The following WDFY3 variants were observed in gnomAD, a reference collection of about 807,000 sequenced individuals.
WDFY3 encodes the protein WD repeat and FYVE domain containing 3, also known as WD repeat and FYVE domain-containing protein 3.
Under a neutral mutation model 409.6 loss-of-function variants are expected in WDFY3, and 66 were observed. The ratio of observed to expected loss-of-function variants is 0.16; its 90% CI spans 0.13 to 0.20. The LOEUF (loss-of-function observed/expected upper bound fraction) is 0.20, where lower values mean the gene tolerates loss of function less well. Among genes scored for constraint, WDFY3 ranks in the 10% least tolerant of loss-of-function variants. The pLI, the probability that WDFY3 is intolerant of heterozygous loss-of-function variation, is 1.00. For missense variants in WDFY3, 3,031 were observed against 4,298.1 expected (o/e 0.71, Z 8.24); for synonymous variants, 1,521 against 1,537.1 (o/e 0.99, Z 0.25).
At chr4:84,815,296 T>A (rs1465943804) in intron 13 of WDFY3, among the ~76,000 whole-genome samples, 1 of 152,090 alleles carries the variant, frequency 6.6e-6, no homozygotes, top group Non-Finnish European at 1.5e-5. Context: ...TCTTGAAAAA[T>A]TACCATTTTA....
intron 9 of WDFY3, 83 bp downstream of exon 9, chr4:84,828,921 T>C: frequency 7.3e-7 from 1 of 1,379,036 alleles, no homozygotes; most frequent in South Asian, 1.7e-5. Context: ...TTGCTTTTCC[T>C]ATAACCCCAA....
intron 6 of WDFY3, among the ~76,000 whole-genome samples, chr4:84,840,861 G>T (rs1387017872): frequency 6.6e-6 from 1 of 151,746 alleles, no homozygotes; most frequent in Non-Finnish European, 1.5e-5. Context: ...AATTACAGGT[G>T]TGAGCCTCTG....
rs748442263 is a variant in WDFY3, at chr4:84,739,166, T to C, written c.6465-47A>G. 4 of 1,559,436 alleles carry C rather than the reference T, an allele frequency of 2.6e-6. No individual in the cohort carries two copies. In the East Asian group the frequency reaches 6.7e-5, roughly 26 times the overall value. On this transcript the variant is annotated intron_variant, in intron 39 of 67. Coordinates refer to ENST00000295888, the MANE Select transcript of WDFY3 (RefSeq NM_014991.6). Reference sequence around the variant, plus strand: ...AAACTTTATGAAGGAAATGATTAGCTGAAGACTACAGTAACTAAGAATTAC... The same window carrying C: ...AAACTTTATGAAGGAAATGATTAGCCGAAGACTACAGTAACTAAGAATTAC...
intron 2 of WDFY3, among the ~76,000 whole-genome samples, chr4:84,928,180 G>A (rs985838030): frequency 2.0e-5 from 3 of 152,176 alleles, no homozygotes; most frequent in African/African-American, 4.8e-5. Flanking sequence ...GCCCTTCATC[G>A]TCTGTCCCTG....
At chr4:84,814,339 T>G (rs1578645976) in intron 13 of WDFY3, among the ~76,000 whole-genome samples, 3 of 152,228 alleles carry the variant, frequency 2.0e-5, no homozygotes, top group Admixed American at 2.0e-4. Flanking sequence ...TTCCTTTATG[T>G]CATCATTTCT....
intron 14 of WDFY3, 146 bp downstream of exon 14, chr4:84,809,741 T>C (rs568235390): frequency 5.6e-6 from 4 of 720,070 alleles, no homozygotes; most frequent in Admixed American, 6.9e-5. Context: ...AGAGTAATAT[T>C]CAAAAATAAA....
chr4:84,776,411 C>T (rs1745557337), intron 27 of WDFY3, among the ~76,000 whole-genome samples: 1 of 151,914 alleles, frequency 6.6e-6, no homozygotes, highest in African/African-American at 2.4e-5. Context: ...ATAAAGTGAG[C>T]AATGTACTAT....
chr4:84,921,646 A>ATTTTTTTTTT lies in WDFY3; in HGVS notation c.-132+10614_-132+10623dup, dbSNP rs747576197. On this transcript the variant is annotated intron_variant, in intron 2 of 67. Transcript: ENST00000295888. ...ATGGAACCAAGTCTCTATTGCTTTCATTTTTTTTTTTTTTTTTTTTTTTTT... is the reference window on the plus strand; with the variant it reads ...ATGGAACCAAGTCTCTATTGCTTTCATTTTTTTTTTTTTTTTTTTTTTTTTTTTTTTTTTT... Among the ~76,000 whole-genome samples, 16 of 78,674 alleles carry ATTTTTTTTTT rather than the reference A, an allele frequency of 2.0e-4. 3 individuals carry two copies. Among genetic ancestry groups the ATTTTTTTTTT allele is most frequent in the African/African-American group, 6.2e-4 (11 of 17,624 alleles). The allele number at this position is 78,674 out of a possible 152,430, so 51.6% of individuals were successfully genotyped here.
chr4:84,959,001 G>A (rs1774583363), intron 1 of WDFY3, among the ~76,000 whole-genome samples: 1 of 152,118 alleles, frequency 6.6e-6, no homozygotes, highest in Admixed American at 6.5e-5. Flanking sequence ...AGTATATAAT[G>A]TACTATGTAT....
chr4:84,720,568 G>A (rs943860631), intron 47 of WDFY3, among the ~76,000 whole-genome samples: 1 of 152,008 alleles, frequency 6.6e-6, no homozygotes. Flanking sequence ...TTGTCCTGGC[G>A]GTAATGAGTC....
chr4:84,922,143 T>C (rs937554836), intron 2 of WDFY3, among the ~76,000 whole-genome samples: 1 of 152,102 alleles, frequency 6.6e-6, no homozygotes, highest in African/African-American at 2.4e-5. Context: ...TAGCTATCAG[T>C]ATAAGGTTTT....
intron 36 of WDFY3, among the ~76,000 whole-genome samples, chr4:84,749,788 C>T (rs950016390): frequency 6.6e-6 from 1 of 152,136 alleles, no homozygotes; most frequent in African/African-American, 2.4e-5. Context: ...CCTGACACCC[C>T]CTGCTTTTCC....
chr4:84,794,425 A>G (rs1050940898), intron 21 of WDFY3, 94 bp downstream of exon 21: 3 of 1,225,600 alleles, frequency 2.4e-6, no homozygotes, highest in East Asian at 2.5e-5. Flanking sequence ...ATTTAAGCTG[A>G]AAAGTTATTA....
In WDFY3 at chr4:84,775,278, T is replaced by C. The variant is rs1449874698; in HGVS notation, c.4519-140A>G. ...GTAAAGTTCTATAAAACCACTTATATGCAGAAAAAAAATCATTATAAATTG... is the reference window on the plus strand; with the variant it reads ...GTAAAGTTCTATAAAACCACTTATACGCAGAAAAAAAATCATTATAAATTG... On this transcript the variant is annotated intron_variant, in intron 27 of 67. Coordinates refer to ENST00000295888, the MANE Select transcript of WDFY3 (RefSeq NM_014991.6). The C allele has an allele frequency of 1.1e-5, 8 of 725,516 alleles. 1 individual carries two copies. The South Asian group carries it at 1.7e-4, about 15-fold the overall frequency. 44.9% of individuals were successfully genotyped at this position (725,516 alleles called of 1,614,324 possible). A position where few individuals can be genotyped will look rare whatever the true frequency, so the allele number is the denominator to read the frequency against.
chr4:84,676,288 C>A (rs1057221731), intron 67 of WDFY3, among the ~76,000 whole-genome samples: 1 of 152,172 alleles, frequency 6.6e-6, no homozygotes, highest in Non-Finnish European at 1.5e-5. Flanking sequence ...TGTTGTCTCA[C>A]TAGCATTGCA....
rs377155899 is a variant in WDFY3, at chr4:84,688,179, G to A, written c.9450C>T (p.Thr3150=). 1.9e-6 allele frequency: 3 copies of A among 1,614,150 alleles called. No homozygotes were observed. The highest frequency in any genetic ancestry group is 2.5e-6 in the Non-Finnish European group (3 of 1,180,028). The change falls in exon 62 of 68, where the codon ACC becomes ACT. Residue 3150 remains threonine, a synonymous_variant. Transcript: ENST00000295888. ...GTTTGTTCAAATCCCAAATGATACA[G>A]GTTCGATCACGGGACCCACTGACAA... The part of the protein sequence containing the change: ...HIIVSGSRDR[T]CIIWDLNKLS...
At chr4:84,929,478 C>G (rs561225834) in intron 2 of WDFY3, among the ~76,000 whole-genome samples, 5 of 151,282 alleles carry the variant, frequency 3.3e-5, no homozygotes, top group South Asian at 2.1e-4. Context: ...CGCCCCCCCC[C>G]CCAAATTCAT....
chr4:84,869,480 T>C (rs1761884310), intron 3 of WDFY3, among the ~76,000 whole-genome samples: 1 of 152,228 alleles, frequency 6.6e-6, no homozygotes, highest in Non-Finnish European at 1.5e-5. Context: ...GAGAAAACTC[T>C]ATAATTCTGC....
chr4:84,809,100 T>A (rs1247799646), intron 14 of WDFY3: 1 of 152,162 alleles, frequency 6.6e-6, no homozygotes, highest in Non-Finnish European at 1.5e-5. Flanking sequence ...ACTTGGGGCA[T>A]AAATTAGAAG....
Sources: allele counts gnomAD v4.1 joint callset (sites outside exome capture counted in the v4.1 genomes callset), GRCh38; gene constraint gnomAD v4.1.1; transcripts MANE v1.5; gene names NCBI Gene and HGNC (gene_info 2026-07-23, HGNC 2026-07-21).